The following C8orf34 variants were observed in gnomAD, a reference collection of about 807,000 sequenced individuals.
C8orf34 encodes the protein uncharacterized protein C8orf34.
A neutral mutation model predicts 68.3 loss-of-function variants in C8orf34; 65 were observed. The ratio of observed to expected loss-of-function variants is 0.95; its 90% CI spans 0.78 to 1.17. The LOEUF (loss-of-function observed/expected upper bound fraction) is 1.17. Among genes scored for constraint, C8orf34 ranks in the 50% most tolerant of loss-of-function variants. The pLI is 0.00. For synonymous variants in C8orf34, 244 were observed against 241.2 expected (o/e 1.01, Z -0.11); for missense variants, 664 against 655.4 (o/e 1.01, Z -0.14).
chr8:68,435,312 A>G (rs1353144081), intron 1 of C8orf34, among the ~76,000 whole-genome samples: 1 of 152,112 alleles, frequency 6.6e-6, no homozygotes, highest in Non-Finnish European at 1.5e-5. Flanking sequence ...AAACCACTCT[A>G]TGTAGCTGTG....
chr8:68,801,190 T>C (rs1271811916), intron 12 of C8orf34, among the ~76,000 whole-genome samples: 2 of 152,208 alleles, frequency 1.3e-5, no homozygotes, highest in African/African-American at 4.8e-5. Flanking sequence ...GAAGAGACTA[T>C]GAATTACCAG....
intron 1 of C8orf34, among the ~76,000 whole-genome samples, chr8:68,407,110 T>C (rs558137659): frequency 4.4e-4 from 67 of 152,292 alleles, no homozygotes; most frequent in African/African-American, 1.5e-3. Context: ...TTTATTAAAG[T>C]ATTATCACTT....
intron 8 of C8orf34, among the ~76,000 whole-genome samples, chr8:68,701,555 C>A (rs1400151256): frequency 6.6e-6 from 1 of 151,850 alleles, no homozygotes; most frequent in African/African-American, 2.4e-5. Flanking sequence ...TCTAATTAAG[C>A]CAGTCCATTT....
At chr8:68,502,134 C>T (rs779033593) in intron 5 of C8orf34, among the ~76,000 whole-genome samples, 1 of 152,122 alleles carries the variant, frequency 6.6e-6, no homozygotes, top group Non-Finnish European at 1.5e-5. Flanking sequence ...GGCGTGATCT[C>T]AGCTCACTGT....
chr8:68,696,958 G>T (rs1357758898), intron 8 of C8orf34, among the ~76,000 whole-genome samples: 1 of 151,744 alleles, frequency 6.6e-6, no homozygotes, highest in Non-Finnish European at 1.5e-5. Context: ...ACTTTGCATT[G>T]TCTTTTGTTT....
chr8:68,496,581 G>A (rs970701508), intron 5 of C8orf34, among the ~76,000 whole-genome samples: 15 of 152,130 alleles, frequency 9.9e-5, no homozygotes, highest in African/African-American at 3.4e-4. Flanking sequence ...AGTGTGCCAC[G>A]GGCTGTCAGG....
At chr8:68,390,221 T>C (rs1421181739) in intron 1 of C8orf34, among the ~76,000 whole-genome samples, 2 of 152,162 alleles carry the variant, frequency 1.3e-5, no homozygotes, top group African/African-American at 2.4e-5. Context: ...CAGCCCACCA[T>C]TCTGTGCCCT....
chr8:68,464,496 A>G (rs955907088), intron 3 of C8orf34, among the ~76,000 whole-genome samples: 85 of 151,980 alleles, frequency 5.6e-4, no homozygotes, highest in African/African-American at 1.9e-3. Flanking sequence ...CGCCAAGTCA[A>G]TCCTAAGCCA....
chr8:68,343,822 G>A (rs1475732795), intron 1 of C8orf34, among the ~76,000 whole-genome samples: 1 of 152,072 alleles, frequency 6.6e-6, no homozygotes, highest in Non-Finnish European at 1.5e-5. Context: ...TCGAACTCCT[G>A]ACCTCATGAT....
chr8:68,672,885 G>T (rs1416217172), intron 8 of C8orf34, among the ~76,000 whole-genome samples: 1 of 152,194 alleles, frequency 6.6e-6, no homozygotes, highest in Admixed American at 6.5e-5. Context: ...GAGGAGAGAA[G>T]AGGGAAGAAT....
chr8:68,766,935 G>A (rs2129528231), intron 10 of C8orf34, among the ~76,000 whole-genome samples: 1 of 152,300 alleles, frequency 6.6e-6, no homozygotes, highest in Non-Finnish European at 1.5e-5. Context: ...TGTAATCCTG[G>A]CACTTTGGGA....
At chr8:68,414,665 C>T (rs1809589099) in intron 1 of C8orf34, among the ~76,000 whole-genome samples, 1 of 152,056 alleles carries the variant, frequency 6.6e-6, no homozygotes, top group South Asian at 2.1e-4. Context: ...AAAATGATTT[C>T]CTACAGTAGG....
intron 7 of C8orf34, among the ~76,000 whole-genome samples, chr8:68,587,754 G>A (rs1468473600): frequency 1.3e-5 from 2 of 152,098 alleles, no homozygotes; most frequent in Non-Finnish European, 2.9e-5. Context: ...CTGCTTGTGT[G>A]ACAAAGAATA....
chr8:68,610,861 G>GTTTTT lies in C8orf34; in HGVS notation c.1106-29499_1106-29495dup, dbSNP rs60113883. Among the ~76,000 whole-genome samples, 825 of 120,256 alleles carry GTTTTT rather than the reference G, an allele frequency of 6.9e-3. 32 individuals are homozygous for GTTTTT. Among genetic ancestry groups the GTTTTT allele is most frequent in the African/African-American group, 0.022 (626 of 28,738 alleles). 78.9% of individuals were successfully genotyped at this position (120,256 alleles called of 152,430 possible). A position where few individuals can be genotyped will look rare whatever the true frequency, so the allele number is the denominator to read the frequency against. ...GTTTTCTGGTTACAGTGAATCTTTG[G>GTTTTT]TTTTTTTTTTTTTTTTTTTTGAGAC... On this transcript the variant is annotated intron_variant, in intron 7 of 13. Coordinates refer to ENST00000518698, the MANE Select transcript of C8orf34 (RefSeq NM_052958.4).
At chr8:68,530,450 A>G (rs1815195163) in intron 6 of C8orf34, 1 of 213,050 alleles carries the variant, frequency 4.7e-6, no homozygotes, top group South Asian at 7.2e-5. Context: ...TAGATAAAAT[A>G]ATTTAGGTGT....
chr8:68,515,393 T>A (rs1054311817), intron 5 of C8orf34, among the ~76,000 whole-genome samples: 9 of 149,206 alleles, frequency 6.0e-5, no homozygotes, highest in East Asian at 2.0e-4. Context: ...TTTTTTTTTT[T>A]ATAGAAGTTA....
At position 68,331,296 on chromosome 8, in the gene C8orf34, T is replaced by C; in HGVS notation, c.284T>C (p.Ile95Thr). The C allele has an allele frequency of 6.5e-7, 1 of 1,536,466 alleles. No individual in the cohort carries two copies. Among genetic ancestry groups the C allele is most frequent in the South Asian group, 1.2e-5 (1 of 84,058 alleles). ...ATGGCGTCTCATCCGCAAACCCGGATCCAGGCTTACCTGGAGAAGAACAAG... is the reference window on the plus strand; with the variant it reads ...ATGGCGTCTCATCCGCAAACCCGGACCCAGGCTTACCTGGAGAAGAACAAG... The part of the protein sequence containing the change: ...FPMASHPQTR[I>T]QAYLEKNKIG... Residue 95 changes from isoleucine to threonine, a missense_variant, in exon 1 of 14, where the codon ATC (isoleucine) becomes ACC (threonine). Transcript: ENST00000518698.
intron 5 of C8orf34, among the ~76,000 whole-genome samples, chr8:68,495,190 A>G (rs1312623806): frequency 6.6e-6 from 1 of 151,580 alleles, no homozygotes; most frequent in Non-Finnish European, 1.5e-5. Flanking sequence ...CATCAGAAAT[A>G]CTGCTATCTT....
chr8:68,618,990 GA>G (rs1409126597), intron 7 of C8orf34, among the ~76,000 whole-genome samples: 1 of 152,126 alleles, frequency 6.6e-6, no homozygotes, highest in Non-Finnish European at 1.5e-5. Flanking sequence ...GAGCTAGGGG[GA>G]TGGAAAAGTC....
Sources: allele counts gnomAD v4.1 joint callset (sites outside exome capture counted in the v4.1 genomes callset), GRCh38; gene constraint gnomAD v4.1.1; transcripts MANE v1.5; gene names NCBI Gene and HGNC (gene_info 2026-07-23, HGNC 2026-07-21).